The following ITCH variants were observed in gnomAD, a reference collection of about 807,000 sequenced individuals.
ITCH encodes the protein E3 ubiquitin-protein ligase Itchy homolog.
A neutral mutation model predicts 126.8 loss-of-function variants in ITCH; 28 were observed. That is an observed-to-expected ratio of 0.22 (90% confidence interval 0.16 to 0.30). The LOEUF is 0.30. ITCH is among the 10% of genes least tolerant of loss of function. The probability of loss-of-function intolerance (pLI) is 1.00; values close to 1 mark genes in which losing one functional copy is unlikely to be tolerated. For synonymous variants in ITCH, 342 were observed against 340.0 expected (o/e 1.01, Z -0.06); for missense variants, 631 against 1,032.4 (o/e 0.61, Z 5.33).
At chr20:34,377,792 G>A (rs574142877) in intron 2 of ITCH, among the ~76,000 whole-genome samples, 6 of 151,732 alleles carry the variant, frequency 4.0e-5, no homozygotes, top group East Asian at 1.9e-4. Flanking sequence ...ACCTGGTCCC[G>A]GGAGGTCAAG....
chr20:34,492,430 T>A, intron 22 of ITCH, 71 bp from the exon 23 acceptor site: 1 of 1,004,242 alleles, frequency 1.0e-6, no homozygotes, highest in Non-Finnish European at 1.6e-6. Context: ...GAAATCATTA[T>A]TTTTCTTTCT....
chr20:34,435,468 C>T (rs1003962093), intron 7 of ITCH, among the ~76,000 whole-genome samples: 18 of 152,034 alleles, frequency 1.2e-4, no homozygotes, highest in African/African-American at 3.6e-4. Context: ...TGCAGCCGGC[C>T]GATTTCTTCT....
chr20:34,378,676 T>G (rs1305571344), intron 2 of ITCH, among the ~76,000 whole-genome samples: 1 of 152,060 alleles, frequency 6.6e-6, no homozygotes, highest in Non-Finnish European at 1.5e-5. Context: ...CTTTTATTTT[T>G]GAAGGATGGT....
At chr20:34,399,677 T>TA (rs1215137031) in intron 3 of ITCH, among the ~76,000 whole-genome samples, 1 of 151,440 alleles carries the variant, frequency 6.6e-6, no homozygotes, top group African/African-American at 2.4e-5. Flanking sequence ...CTGTTTCTAC[T>TA]AAAAAATACA....
chr20:34,394,864 G>T (rs1357582241), intron 3 of ITCH, among the ~76,000 whole-genome samples: 1 of 152,088 alleles, frequency 6.6e-6, no homozygotes, highest in African/African-American at 2.4e-5. Flanking sequence ...ACAATGGCCT[G>T]GGACAAAGTC....
intron 10 of ITCH, among the ~76,000 whole-genome samples, chr20:34,444,067 CA>C (rs1301982709): frequency 1.3e-5 from 2 of 152,058 alleles, no homozygotes; most frequent in Non-Finnish European, 2.9e-5. Flanking sequence ...AGAAACAATT[CA>C]AAGGAAGAAA....
intron 12 of ITCH, among the ~76,000 whole-genome samples, chr20:34,456,158 TTGTGTGTGTGTG>T (rs1161624865): frequency 1.3e-3 from 60 of 47,662 alleles, no homozygotes; most frequent in Middle Eastern, 0.013. Flanking sequence ...TTTTTATATA[TTGTGTGTGTGTG>T]TGTGTGTGTG....
chr20:34,468,244 C>A (rs1987279093), intron 14 of ITCH, among the ~76,000 whole-genome samples: 1 of 151,624 alleles, frequency 6.6e-6, no homozygotes, highest in African/African-American at 2.4e-5. Context: ...CTGTGTTAGC[C>A]AGGATGTTCT....
intron 24 of ITCH, among the ~76,000 whole-genome samples, chr20:34,506,959 T>C (rs1990654600): frequency 6.6e-6 from 1 of 152,236 alleles, no homozygotes; most frequent in South Asian, 2.1e-4. Flanking sequence ...ATTTTGTTTA[T>C]ACATTCATCT....
chr20:34,409,077 C>T (rs1453291404), intron 4 of ITCH, among the ~76,000 whole-genome samples: 4 of 149,516 alleles, frequency 2.7e-5, no homozygotes, highest in African/African-American at 7.5e-5. Context: ...GGTCACGGAC[C>T]TAAAAAGATT....
At chr20:34,419,139 G>A (rs1980394461) in intron 6 of ITCH, among the ~76,000 whole-genome samples, 1 of 152,028 alleles carries the variant, frequency 6.6e-6, no homozygotes, top group African/African-American at 2.4e-5. Flanking sequence ...AAGTATTGAG[G>A]CTATGATATG....
In ITCH at chr20:34,373,278, TA is replaced by T. The variant is rs1458871826; in HGVS notation, c.-22+3809del. 1.3e-4 allele frequency among the ~76,000 whole-genome samples: 20 copies of T among 150,168 alleles called. No individual in the cohort carries two copies. The East Asian group carries it at 3.7e-3, about 28-fold the overall frequency. The stretch of plus-strand genomic sequence containing the variant: ...ATAAGCCACTGCACCTGGCCAAATG[TA>T]TTTTTTTTTTTTTTTTGAGGCAGAG... On this transcript the variant is annotated intron_variant, in intron 2 of 24. Coordinates refer to ENST00000374864, the MANE Select transcript of ITCH (RefSeq NM_031483.7).
chr20:34,411,462 T>G (rs1979031741), intron 4 of ITCH, among the ~76,000 whole-genome samples: 1 of 152,076 alleles, frequency 6.6e-6, no homozygotes, highest in Non-Finnish European at 1.5e-5. Flanking sequence ...CCGAGAAATA[T>G]TTTCCTAATA....
intron 16 of ITCH, chr20:34,476,833 A>T (rs1382060255): frequency 6.5e-6 from 1 of 154,946 alleles, no homozygotes; most frequent in African/African-American, 2.4e-5. Flanking sequence ...TTGTAAGAGT[A>T]ATTGATATAT....
intron 1 of ITCH, 106 bp from the exon 2 acceptor site, chr20:34,369,288 A>G (rs1003523660): frequency 3.6e-5 from 14 of 385,200 alleles, no homozygotes; most frequent in African/African-American, 2.7e-4. Context: ...AGCCAATATC[A>G]TGCCACTGCA....
intron 4 of ITCH, among the ~76,000 whole-genome samples, chr20:34,409,437 T>C (rs934199435): frequency 6.6e-6 from 1 of 152,170 alleles, no homozygotes; most frequent in Non-Finnish European, 1.5e-5. Context: ...CTTGCTATGT[T>C]GTCCAGAGTG....
At chr20:34,379,473 A>AAACAATAATTATCCATTTC (rs1251817209) in intron 2 of ITCH, among the ~76,000 whole-genome samples, 14 of 152,242 alleles carry the variant, frequency 9.2e-5, no homozygotes, top group Middle Eastern at 3.4e-3. Flanking sequence ...TGTACCTATT[A>AAACAATAATTATCCATTTC]AACAATAATT....
At chr20:34,504,615 C>G (rs11475710) in intron 24 of ITCH, among the ~76,000 whole-genome samples, 1 of 50,590 alleles carries the variant, frequency 2.0e-5, no homozygotes, top group Non-Finnish European at 5.7e-5. Flanking sequence ...AATTTTTTTT[C>G]TAATGTGGGA....
Position 34,445,443 on chromosome 20 carries a change from C to G in ITCH, c.1122C>G (p.Asn374Lys), listed in dbSNP as rs767540080. 6.2e-7 allele frequency: 1 copy of G among 1,613,882 alleles called. No homozygotes were observed. Among genetic ancestry groups the G allele is most frequent in the Admixed American group, 1.7e-5 (1 of 59,974 alleles). Residue 374 changes from asparagine to lysine, a missense_variant, in exon 11 of 25, where the codon AAC becomes AAG. Physicochemically the swap from Asn to Lys is moderately conservative, Grantham distance 94. Transcript: ENST00000374864. The stretch of plus-strand genomic sequence containing the variant: ...TTCAAGGAGCAATGCAGCAGTTTAA[C>G]CAGAGATTCATTTATGGGGTGAGCA... ...SQLQGAMQQFNQRFIYGNQDL... is the reference protein window; with the variant it reads ...SQLQGAMQQFKQRFIYGNQDL...
Sources: gnomAD v4.1 joint callset for allele counts (sites outside exome capture counted in the v4.1 genomes callset) on GRCh38, gnomAD v4.1.1 for gene constraint, MANE v1.5 for transcripts, NCBI Gene and HGNC (gene_info 2026-07-23, HGNC 2026-07-21) for gene names.